Variants in CNTLN observed in about 807,000 individuals in gnomAD.
The protein encoded by CNTLN is centlein.
CNTLN carries 212 observed loss-of-function variants against 180.0 expected under a neutral mutation model. The ratio of observed to expected loss-of-function variants is 1.18; its 90% CI spans 1.05 to 1.32. CNTLN has a LOEUF of 1.32. CNTLN is among the 40% of genes most tolerant of loss of function. CNTLN has a pLI of 0.00. For missense variants in CNTLN, 2,095 were observed against 1,610.9 expected (o/e 1.30, Z -5.14); for synonymous variants, 722 against 563.1 (o/e 1.28, Z -3.99).
intron 18 of CNTLN, among the ~76,000 whole-genome samples, chr9:17,427,967 G>A (rs1375664414): frequency 6.6e-6 from 1 of 152,136 alleles, no homozygotes; most frequent in African/African-American, 2.4e-5. Flanking sequence ...TTACTCTCAT[G>A]GAGCTTATTT....
intron 2 of CNTLN, among the ~76,000 whole-genome samples, chr9:17,190,681 C>T (rs1230045562): frequency 2.6e-5 from 4 of 152,082 alleles, no homozygotes; most frequent in Admixed American, 6.5e-5. Flanking sequence ...AGGTATGTGA[C>T]TTATTTCTCA....
intron 6 of CNTLN, among the ~76,000 whole-genome samples, chr9:17,285,273 T>C (rs1162035666): frequency 1.3e-5 from 2 of 150,556 alleles, no homozygotes; most frequent in East Asian, 2.0e-4. Flanking sequence ...TTTGTTCTTG[T>C]GATAGTTTAC....
At chr9:17,214,186 C>G (rs1313062196) in intron 2 of CNTLN, among the ~76,000 whole-genome samples, 3 of 152,134 alleles carry the variant, frequency 2.0e-5, no homozygotes, top group African/African-American at 7.2e-5. Context: ...TTTGCAGTGA[C>G]TGGTACCGGT....
intron 6 of CNTLN, among the ~76,000 whole-genome samples, chr9:17,289,650 C>T (rs929360386): frequency 7.8e-6 from 1 of 128,154 alleles, no homozygotes; most frequent in Non-Finnish European, 1.6e-5. Flanking sequence ...GTACACCAAT[C>T]AGACGTAGAT....
rs1831214428 is a variant in CNTLN, at chr9:17,457,724, A to C, written c.3306+9A>C. 7.1e-7 allele frequency: 1 copy of C among 1,407,848 alleles called. No individual in the cohort carries two copies. Among genetic ancestry groups the C allele is most frequent in the African/African-American group, 1.5e-5 (1 of 68,034 alleles). The allele number at this position is 1,407,848 out of a possible 1,614,324, so 87.2% of individuals were successfully genotyped here. A position where few individuals can be genotyped will look rare whatever the true frequency, so the allele number is the denominator to read the frequency against. On this transcript the variant is annotated intron_variant, in intron 19 of 25. Transcript: ENST00000380647. ...TGCAGTATAAACTAAAGGTGATTAT[A>C]AAATTTATTAAGCATGAAAACATAC...
At chr9:17,521,984 A>G in the CNTLN span, among the ~76,000 whole-genome samples, 2 of 151,928 alleles carry the variant, frequency 1.3e-5, no homozygotes, top group East Asian at 1.9e-4. Flanking sequence ...TTTCTATCAT[A>G]TTGGGTTGTA....
At chr9:17,404,554 C>T (rs1041724966) in intron 15 of CNTLN, among the ~76,000 whole-genome samples, 2 of 151,634 alleles carry the variant, frequency 1.3e-5, no homozygotes, top group African/African-American at 4.9e-5. Context: ...GAGCAATTAT[C>T]CCAATTATTG....
At chr9:17,156,372 G>T (rs1416536743) in intron 2 of CNTLN, among the ~76,000 whole-genome samples, 2 of 151,966 alleles carry the variant, frequency 1.3e-5, no homozygotes, top group Non-Finnish European at 2.9e-5. Flanking sequence ...TAAATATCTA[G>T]TCCGTTTTCA....
intron 6 of CNTLN, among the ~76,000 whole-genome samples, chr9:17,287,414 T>C (rs1829054463): frequency 6.6e-6 from 1 of 151,064 alleles, no homozygotes; most frequent in African/African-American, 2.4e-5. Context: ...TTTGCCAGTA[T>C]TTTATTCAGG....
chr9:17,147,147 T>A (rs963963306), intron 2 of CNTLN, among the ~76,000 whole-genome samples: 1 of 152,206 alleles, frequency 6.6e-6, no homozygotes, highest in Non-Finnish European at 1.5e-5. Flanking sequence ...TTTGTAAGGC[T>A]TGGGGAAGGG....
At chr9:17,178,355 G>A (rs1820867095) in intron 2 of CNTLN, among the ~76,000 whole-genome samples, 1 of 152,220 alleles carries the variant, frequency 6.6e-6, no homozygotes, top group African/African-American at 2.4e-5. Flanking sequence ...TTCACCCAGT[G>A]GATCCCGCAC....
At chr9:17,514,192 C>A in the CNTLN span, among the ~76,000 whole-genome samples, 1 of 150,644 alleles carries the variant, frequency 6.6e-6, no homozygotes, top group South Asian at 2.1e-4. Flanking sequence ...TGCCTGTAGT[C>A]CCAGCTACTG....
chr9:17,470,499 G>A (rs1354456263), intron 23 of CNTLN, among the ~76,000 whole-genome samples: 2 of 151,836 alleles, frequency 1.3e-5, no homozygotes, highest in Non-Finnish European at 2.9e-5. Flanking sequence ...TTCATAGGGC[G>A]CAACCAGATT....
chr9:17,275,942 C>T (rs755030477), intron 6 of CNTLN, among the ~76,000 whole-genome samples: 2 of 151,894 alleles, frequency 1.3e-5, no homozygotes, highest in Non-Finnish European at 2.9e-5. Flanking sequence ...GGGTACCCAT[C>T]GACATAAACG....
chr9:17,262,098 G>C (rs1587386189), intron 5 of CNTLN, among the ~76,000 whole-genome samples: 1 of 151,568 alleles, frequency 6.6e-6, no homozygotes, highest in Non-Finnish European at 1.5e-5. Flanking sequence ...GTGCTATGGA[G>C]AAATAGAAAC....
intron 13 of CNTLN, among the ~76,000 whole-genome samples, chr9:17,380,989 A>G (rs560951276): frequency 6.6e-6 from 1 of 152,170 alleles, no homozygotes; most frequent in Non-Finnish European, 1.5e-5. Context: ...GCACACTGTC[A>G]CCTCCACCCG....
At chr9:17,345,824 T>C (rs546046797) in intron 12 of CNTLN, among the ~76,000 whole-genome samples, 18 of 152,118 alleles carry the variant, frequency 1.2e-4, no homozygotes, top group Non-Finnish European at 2.2e-4. Context: ...ATAATTTATG[T>C]ATGGGTAAAT....
At chr9:17,426,197 G>T (rs763104623) in intron 18 of CNTLN, among the ~76,000 whole-genome samples, 26 of 152,134 alleles carry the variant, frequency 1.7e-4, no homozygotes, top group Non-Finnish European at 2.8e-4. Context: ...TGGGCCAATA[G>T]ATCTATTTAA....
At position 17,486,973 on chromosome 9, in the gene CNTLN, T is replaced by C. The variant is rs1832921184; in HGVS notation, c.4042-16T>C. 1 of 1,491,494 alleles carries C rather than the reference T, an allele frequency of 6.7e-7. No individual in the cohort carries two copies. The highest frequency in any genetic ancestry group is 2.3e-5 in the East Asian group (1 of 44,088). 92.4% of individuals were successfully genotyped at this position (1,491,494 alleles called of 1,614,324 possible). ...TAAATTTCGTTAACACCAGTGTTTT[T>C]ATTTTTTTTCTTCAGGAAATTGAAA... is the stretch of plus-strand genomic sequence containing the variant. On this transcript the variant is annotated splice_polypyrimidine_tract_variant and intron_variant, in intron 24 of 25. Transcript: ENST00000380647.
Sources: allele counts gnomAD v4.1 joint callset (sites outside exome capture counted in the v4.1 genomes callset), GRCh38; gene constraint gnomAD v4.1.1; transcripts MANE v1.5; gene names NCBI Gene and HGNC (gene_info 2026-07-23, HGNC 2026-07-21).